RSF1: variants seen among roughly 807,000 people sequenced by gnomAD.
The protein encoded by RSF1 is HBV pX-associated protein 8.
Under a neutral mutation model 145.2 loss-of-function variants are expected in RSF1, and 13 were observed. The observed-to-expected ratio is 0.09, with a 90% CI of 0.06 to 0.14. RSF1 has a LOEUF of 0.14. Among genes scored for constraint, RSF1 ranks in the 10% least tolerant of loss-of-function variants. RSF1 has a pLI of 1.00. For synonymous variants in RSF1, 577 were observed against 592.6 expected, an observed-to-expected ratio of 0.97 and a Z score of 0.38; for missense variants, 1,517 against 1,718.2, an observed-to-expected ratio of 0.88 and a Z score of 2.07.
the RSF1 span, among the ~76,000 whole-genome samples, chr11:77,849,859 T>A: frequency 6.6e-6 from 1 of 152,202 alleles, no homozygotes; most frequent in Non-Finnish European, 1.5e-5. Flanking sequence ...TTATCTCCTC[T>A]ATGAAGCATT....
At chr11:77,689,163 A>G (rs1960086561) in intron 9 of RSF1, among the ~76,000 whole-genome samples, 2 of 152,204 alleles carry the variant, frequency 1.3e-5, no homozygotes, top group South Asian at 2.1e-4. Context: ...ATTCTCCCCA[A>G]CACCTCCACC....
chr11:77,695,773 C>T (rs544441636), intron 7 of RSF1, among the ~76,000 whole-genome samples: 1 of 152,296 alleles, frequency 6.6e-6, no homozygotes, highest in African/African-American at 2.4e-5. Context: ...TACTTTTAAT[C>T]TCTCTCAGAG....
chr11:77,849,195 C>T, the RSF1 span, among the ~76,000 whole-genome samples: 1 of 151,936 alleles, frequency 6.6e-6, no homozygotes, highest in Non-Finnish European at 1.5e-5. Flanking sequence ...TGCCTCCATA[C>T]CTGGCTAATT....
intron 4 of RSF1, 59 bp from the exon 5 acceptor site, chr11:77,725,758 C>A: frequency 8.5e-6 from 11 of 1,293,672 alleles, no homozygotes; most frequent in Non-Finnish European, 1.1e-5. Context: ...AGAGAACTTT[C>A]TGAATAATAC....
At chr11:77,869,949 G>A in the RSF1 span, 275,006 of 753,660 alleles carry the variant, frequency 0.36, 51,220 homozygotes, top group African/African-American at 0.5. Flanking sequence ...CAGGATAGCA[G>A]TGGCTGCACA....
chr11:77,772,530 T>C (rs1948296585), intron 1 of RSF1, among the ~76,000 whole-genome samples: 1 of 152,088 alleles, frequency 6.6e-6, no homozygotes, highest in Non-Finnish European at 1.5e-5. Flanking sequence ...AACCTGCACT[T>C]AATATAACAA....
the RSF1 span, among the ~76,000 whole-genome samples, chr11:77,839,244 T>C: frequency 3.9e-5 from 6 of 152,280 alleles, no homozygotes; most frequent in South Asian, 2.1e-4. Flanking sequence ...GCTCAAGTGA[T>C]CCTCCTGCCT....
chr11:77,719,054 T>C (rs1328177022), intron 5 of RSF1, among the ~76,000 whole-genome samples: 1 of 151,910 alleles, frequency 6.6e-6, no homozygotes, highest in African/African-American at 2.4e-5. Context: ...TGAGACCAGA[T>C]GGGGCAACAT....
intron 5 of RSF1, among the ~76,000 whole-genome samples, chr11:77,713,513 G>A (rs1246088242): frequency 1.3e-5 from 2 of 152,180 alleles, no homozygotes; most frequent in East Asian, 3.8e-4. Context: ...ACTAGAAAAT[G>A]TCTTGATGTT....
At chr11:77,761,048 G>A (rs1948166657) in intron 2 of RSF1, among the ~76,000 whole-genome samples, 2 of 151,942 alleles carry the variant, frequency 1.3e-5, no homozygotes, top group African/African-American at 2.4e-5. Flanking sequence ...AGATTCAAGC[G>A]GTTCTCCTGC....
rs1565191700 is a variant in RSF1, at chr11:77,820,685, C to CACCGCCGCCGCT, written c.18_29dup (p.Ala7_Val10dup). The CACCGCCGCCGCT allele has an allele frequency of 1.9e-6, 3 of 1,552,882 alleles. No homozygotes were observed. The Admixed American group carries it at 5.9e-5, about 30-fold the overall frequency. On this transcript the variant is annotated inframe_insertion, in exon 1 of 16. Coordinates refer to ENST00000308488, the MANE Select transcript of RSF1 (RefSeq NM_016578.4). ...AACCCGGGCAGCCCGGAGGAGCCAT[C>CACCGCCGCCGCT]ACCGCCGCCGCTGCCGCCGCCGTCG... is the stretch of plus-strand genomic sequence containing the variant.
chr11:77,771,152 CAG>C (rs1402690605), intron 1 of RSF1, among the ~76,000 whole-genome samples: 1 of 152,144 alleles, frequency 6.6e-6, no homozygotes, highest in Non-Finnish European at 1.5e-5. Flanking sequence ...AATGACGTGA[CAG>C]TACTTAAGGG....
chr11:77,844,302 A>C, the RSF1 span, among the ~76,000 whole-genome samples: 1 of 152,030 alleles, frequency 6.6e-6, no homozygotes, highest in Non-Finnish European at 1.5e-5. Context: ...CAATATATAC[A>C]TTTTTAAAGG....
At chr11:77,685,021 C>A in intron 10 of RSF1, 84 bp downstream of exon 10, 1 of 616,002 alleles carries the variant, frequency 1.6e-6, no homozygotes, top group Non-Finnish European at 2.7e-6. Flanking sequence ...ATAAATAAAA[C>A]CACTAACATT....
chr11:77,743,158 G>T (rs1947960039), intron 3 of RSF1, among the ~76,000 whole-genome samples: 1 of 152,066 alleles, frequency 6.6e-6, no homozygotes, highest in Non-Finnish European at 1.5e-5. Flanking sequence ...GTAGATTTTT[G>T]AGATCAGGTA....
the RSF1 span, among the ~76,000 whole-genome samples, chr11:77,832,195 A>G: frequency 6.6e-6 from 1 of 152,162 alleles, no homozygotes; most frequent in Non-Finnish European, 1.5e-5. Flanking sequence ...AACTGTACTT[A>G]CAATTATAGG....
the RSF1 span, among the ~76,000 whole-genome samples, chr11:77,860,022 T>C: frequency 6.6e-6 from 1 of 152,218 alleles, no homozygotes; most frequent in Non-Finnish European, 1.5e-5. Flanking sequence ...CCATAAACAA[T>C]GAGGCCAACC....
intron 1 of RSF1, among the ~76,000 whole-genome samples, chr11:77,774,299 A>G (rs1400771254): frequency 6.6e-6 from 1 of 152,208 alleles, no homozygotes; most frequent in Non-Finnish European, 1.5e-5. Flanking sequence ...ATTTCTGCAG[A>G]CAGCTAGAAA....
intron 1 of RSF1, chr11:77,813,758 C>T: frequency 3.3e-6 from 1 of 299,260 alleles, no homozygotes; most frequent in Non-Finnish European, 6.7e-6. Context: ...CTGCGGATCA[C>T]AGAGCCGCAG....
Sources: gnomAD v4.1 joint callset for allele counts (sites outside exome capture counted in the v4.1 genomes callset) on GRCh38, gnomAD v4.1.1 for gene constraint, MANE v1.5 for transcripts, NCBI Gene and HGNC (gene_info 2026-07-23, HGNC 2026-07-21) for gene names.